Variants in CNDP1 observed in about 807,000 individuals in gnomAD.
CNDP1 encodes carnosine dipeptidase 1, also known as beta-Ala-His dipeptidase.
In CNDP1, 44 loss-of-function variants were observed where a neutral mutation model predicts 58.1. The observed-to-expected ratio is 0.76, with a 90% confidence interval of 0.60 to 0.97. The LOEUF (loss-of-function observed/expected upper bound fraction) is 0.97. CNDP1 is among the 50% of genes least tolerant of loss of function. The pLI is 0.00. For missense variants in CNDP1, 616 were observed against 655.1 expected (o/e 0.94, Z 0.65); for synonymous variants, 254 against 252.6 (o/e 1.01, Z -0.05).
intron 3 of CNDP1, among the ~76,000 whole-genome samples, chr18:74,560,338 C>T (rs1397833146): frequency 6.6e-6 from 1 of 152,174 alleles, no homozygotes; most frequent in Non-Finnish European, 1.5e-5. Flanking sequence ...CTGAAGAGGA[C>T]ATTCAGCTAA....
At chr18:74,548,988 G>T (rs1162046658) in intron 1 of CNDP1, among the ~76,000 whole-genome samples, 1 of 152,200 alleles carries the variant, frequency 6.6e-6, no homozygotes, top group African/African-American at 2.4e-5. Context: ...AACAACTTAT[G>T]TTCAGGTGTG....
rs1981795779 is a variant in CNDP1, at chr18:74,581,736, C to T, written c.1309+1465C>T. On this transcript the variant is annotated intron_variant, in intron 10 of 11. Coordinates refer to ENST00000358821, the MANE Select transcript of CNDP1 (RefSeq NM_032649.6). ...GCTGTGGCGTCAGGGAGCAGGGACA[C>T]CCAGTCTTTTTGGCTTCTGCACCAG... Among the ~76,000 whole-genome samples, 3 of 152,174 alleles carry T rather than the reference C, an allele frequency of 2.0e-5. No individual in the cohort carries two copies. The South Asian group carries it at 6.2e-4, about 32-fold the overall frequency.
At chr18:74,577,778 T>C in intron 8 of CNDP1, 1 of 165,448 alleles carries the variant, frequency 6.0e-6, no homozygotes, top group Non-Finnish European at 1.3e-5. Flanking sequence ...ATTACATAAG[T>C]TATTATTGTA....
Position 74,560,915 on chromosome 18 carries a change from T to C in CNDP1, c.363T>C (p.Asp121=). ...PPVILAELGS[D]PTKGTVCFYG... ...TCATCCTGGCCGAACTGGGGAGCGATCCCACGAAAGGCACCGTGTGCTTCT... is the reference window on the plus strand; with the variant it reads ...TCATCCTGGCCGAACTGGGGAGCGACCCCACGAAAGGCACCGTGTGCTTCT... Residue 121 remains aspartate, a synonymous_variant, in exon 4 of 12, where the codon GAT becomes GAC. Coordinates refer to ENST00000358821, the MANE Select transcript of CNDP1 (RefSeq NM_032649.6). 6.2e-7 allele frequency: 1 copy of C among 1,614,134 alleles called. No individual in the cohort carries two copies.
intron 1 of CNDP1, 28 bp downstream of exon 1, chr18:74,534,719 C>A: frequency 6.2e-7 from 1 of 1,613,424 alleles, no homozygotes; most frequent in Non-Finnish European, 8.5e-7. Context: ...CATCAGAGTC[C>A]GTGCATTGGG....
chr18:74,582,424 G>A (rs1981812556), intron 10 of CNDP1, among the ~76,000 whole-genome samples: 1 of 152,144 alleles, frequency 6.6e-6, no homozygotes, highest in South Asian at 2.1e-4. Context: ...AAACTATTTT[G>A]TGCAATACTT....
chr18:74,551,318 A>G (rs1389800487), intron 1 of CNDP1, among the ~76,000 whole-genome samples: 1 of 151,942 alleles, frequency 6.6e-6, no homozygotes, highest in Non-Finnish European at 1.5e-5. Context: ...CAATACAAGA[A>G]TAGCCTAATA....
At chr18:74,578,135 T>C (rs1374432886) in intron 8 of CNDP1, 28 bp from the exon 9 acceptor site, 1 of 1,590,218 alleles carries the variant, frequency 6.3e-7, no homozygotes, top group Non-Finnish European at 8.6e-7. Context: ...TAATTAAGCA[T>C]CCTTTGGATA....
intron 7 of CNDP1, 198 bp from the exon 8 acceptor site, chr18:74,576,671 G>A (rs931701620): frequency 1.3e-5 from 6 of 478,924 alleles, no homozygotes; most frequent in African/African-American, 1.2e-4. Context: ...GACTCCAGCT[G>A]CGTGATCCTG....
At chr18:74,551,749 T>C (rs569684619) in intron 1 of CNDP1, among the ~76,000 whole-genome samples, 17 of 152,276 alleles carry the variant, frequency 1.1e-4, no homozygotes, top group African/African-American at 3.6e-4. Context: ...ACAACAATCA[T>C]TGTTTTCATA....
chr18:74,546,439 C>T (rs1206797023), intron 1 of CNDP1, among the ~76,000 whole-genome samples: 1 of 152,158 alleles, frequency 6.6e-6, no homozygotes, highest in South Asian at 2.1e-4. Flanking sequence ...TGTCTTCTGC[C>T]CAGGAGAGAA....
rs1433354397 is a variant in CNDP1 at position 74,584,601 on chromosome 18, A to T, written c.*39A>T. The T allele has an allele frequency of 6.8e-7, 1 of 1,473,484 alleles. No individual in the cohort carries two copies. The highest frequency in any genetic ancestry group is 2.3e-5 in the East Asian group (1 of 44,234). 91.3% of individuals were successfully genotyped at this position (1,473,484 alleles called of 1,614,324 possible). Reference sequence around the variant, plus strand: ...CTAGTCTGATCTGATCCACTGACAGATTCACCTCCCCCACATCCCTAGACA... The same window carrying T: ...CTAGTCTGATCTGATCCACTGACAGTTTCACCTCCCCCACATCCCTAGACA... On this transcript the variant is annotated 3_prime_UTR_variant, in exon 12 of 12. Transcript: ENST00000358821.
intron 1 of CNDP1, among the ~76,000 whole-genome samples, chr18:74,536,126 G>A (rs1277520884): frequency 1.3e-5 from 2 of 152,140 alleles, no homozygotes; most frequent in South Asian, 2.1e-4. Context: ...TTTCCCCTTT[G>A]CTATTCTTTT....
chr18:74,554,305 A>C (rs1980982109), intron 1 of CNDP1, among the ~76,000 whole-genome samples: 1 of 152,166 alleles, frequency 6.6e-6, no homozygotes, highest in African/African-American at 2.4e-5. Context: ...TTCAGTGCTG[A>C]TCTGACAGAA....
intron 1 of CNDP1, among the ~76,000 whole-genome samples, chr18:74,551,292 A>C (rs1045166788): frequency 3.3e-5 from 5 of 151,758 alleles, no homozygotes; most frequent in Admixed American, 2.6e-4. Context: ...ACCCCACCAC[A>C]GGCATTTCTT....
chr18:74,546,686 C>G (rs909530202), intron 1 of CNDP1, among the ~76,000 whole-genome samples: 3 of 152,204 alleles, frequency 2.0e-5, no homozygotes, highest in African/African-American at 7.2e-5. Context: ...ACACCCACCC[C>G]GTGACTGGCA....
chr18:74,578,091 G>A, intron 8 of CNDP1, 72 bp from the exon 9 acceptor site: 1 of 1,372,742 alleles, frequency 7.3e-7, no homozygotes, highest in East Asian at 2.3e-5. Flanking sequence ...GAGGCAGAGG[G>A]TGGTAACACA....
At chr18:74,567,037 C>T (rs1386913765) in intron 5 of CNDP1, 196 bp from the exon 6 acceptor site, 7 of 585,198 alleles carry the variant, frequency 1.2e-5, no homozygotes, top group South Asian at 2.0e-5. Flanking sequence ...ATAAACCCAT[C>T]AGATCTCATG....
At chr18:74,541,101 C>T (rs917077132) in intron 1 of CNDP1, among the ~76,000 whole-genome samples, 2 of 152,180 alleles carry the variant, frequency 1.3e-5, no homozygotes, top group Non-Finnish European at 2.9e-5. Context: ...GTGGTTCACA[C>T]CGGAAACTTG....
Sources: allele counts gnomAD v4.1 joint callset (sites outside exome capture counted in the v4.1 genomes callset), GRCh38; gene constraint gnomAD v4.1.1; transcripts MANE v1.5; gene names NCBI Gene and HGNC (gene_info 2026-07-23, HGNC 2026-07-21).